Variants in ZDHHC14 observed in about 807,000 individuals in gnomAD.
ZDHHC14 encodes the protein zDHHC palmitoyltransferase 14.
Under a neutral mutation model 47.7 loss-of-function variants are expected in ZDHHC14, and 16 were observed. The observed-to-expected ratio is 0.34, with a 90% confidence interval of 0.23 to 0.51. ZDHHC14 has a LOEUF of 0.51. ZDHHC14 is among the 20% of genes least tolerant of loss of function. The pLI, the probability that ZDHHC14 is intolerant of heterozygous loss-of-function variation, is 0.97. For missense variants in ZDHHC14, 515 were observed against 662.5 expected (o/e 0.78, Z 2.44); for synonymous variants, 293 against 278.9 (o/e 1.05, Z -0.50).
chr6:157,631,075 C>T (rs796480318), intron 4 of ZDHHC14: 16 of 152,364 alleles, frequency 1.1e-4, no homozygotes, highest in African/African-American at 3.4e-4. Context: ...CCCACACTCA[C>T]ACTCTAGCTA....
intron 1 of ZDHHC14, among the ~76,000 whole-genome samples, chr6:157,422,939 C>G (rs573818246): frequency 5.3e-4 from 81 of 152,278 alleles, no homozygotes; most frequent in Non-Finnish European, 6.5e-4. Context: ...AATGTGTGTG[C>G]TTTACTAACT....
intron 2 of ZDHHC14, among the ~76,000 whole-genome samples, chr6:157,592,122 GAAC>G (rs1783931500): frequency 6.6e-6 from 1 of 151,960 alleles, no homozygotes; most frequent in Non-Finnish European, 1.5e-5. Context: ...GCCCACGTGA[GAAC>G]AACCCGGGTC....
chr6:157,445,350 T>C (rs2114796599), intron 1 of ZDHHC14, among the ~76,000 whole-genome samples: 1 of 152,322 alleles, frequency 6.6e-6, no homozygotes, highest in East Asian at 1.9e-4. Context: ...TCACGGTTTA[T>C]TAAAAATAAA....
In ZDHHC14 at chr6:157,629,380, T is replaced by G. The variant is rs1236873971; in HGVS notation, c.703+894T>G. The G allele has an allele frequency of 2.6e-5, 4 of 152,200 alleles. No individual in the cohort carries two copies. In the East Asian group the frequency reaches 7.7e-4, roughly 29 times the overall value. The allele number at this position is 152,200 out of a possible 1,614,324, so 9.4% of individuals were successfully genotyped here. On this transcript the variant is annotated intron_variant, in intron 4 of 8. Transcript: ENST00000359775. ...ACCCTTCATTAGCAAGTCCGTAGCT[T>G]CTTTCTGGAATGTTTCCGTAAGTAT...
intron 1 of ZDHHC14, among the ~76,000 whole-genome samples, chr6:157,458,119 C>T (rs1583663140): frequency 6.6e-6 from 1 of 152,226 alleles, no homozygotes. Flanking sequence ...TGGTTATTGA[C>T]ATTTATTTAT....
intron 2 of ZDHHC14, among the ~76,000 whole-genome samples, chr6:157,552,853 G>A (rs547224638): frequency 2.0e-5 from 3 of 152,254 alleles, no homozygotes; most frequent in Admixed American, 6.5e-5. Flanking sequence ...GTTGTGACTG[G>A]GAATCTGATC....
At chr6:157,439,454 A>G (rs938608857) in intron 1 of ZDHHC14, among the ~76,000 whole-genome samples, 1 of 152,216 alleles carries the variant, frequency 6.6e-6, no homozygotes, top group Non-Finnish European at 1.5e-5. Context: ...CAAAGCCACA[A>G]TGAGATACCA....
At chr6:157,510,580 C>T (rs1372599588) in intron 1 of ZDHHC14, among the ~76,000 whole-genome samples, 2 of 152,262 alleles carry the variant, frequency 1.3e-5, no homozygotes, top group Admixed American at 1.3e-4. Flanking sequence ...TGCTGCTGCT[C>T]TTCCAGGGCC....
chr6:157,646,018 C>T (rs1043972432), intron 6 of ZDHHC14, among the ~76,000 whole-genome samples, 179 bp downstream of exon 6: 1 of 152,202 alleles, frequency 6.6e-6, no homozygotes, highest in Non-Finnish European at 1.5e-5. Flanking sequence ...CGTTTCTCTT[C>T]TGGGAATCTC....
Position 157,542,726 on chromosome 6 carries a change from C to G in ZDHHC14, c.387C>G (p.Ala129=). The G allele has an allele frequency of 6.2e-7, 1 of 1,614,044 alleles. No homozygotes were observed. Among genetic ancestry groups the G allele is most frequent in the Non-Finnish European group, 8.5e-7 (1 of 1,179,978 alleles). ...CACGAGCCACGCCTGATGAAGCCGC[C>G]GATCTGGAAAGGCAAATAGGTAACA... The part of the protein sequence containing the change: ...VLPRATPDEA[A]DLERQIDIAN... Residue 129 remains alanine (A), a synonymous_variant, in exon 2 of 9, where the codon GCC becomes GCG. Coordinates refer to ENST00000359775, the MANE Select transcript of ZDHHC14 (RefSeq NM_024630.3).
At chr6:157,556,211 G>A (rs778709756) in intron 2 of ZDHHC14, among the ~76,000 whole-genome samples, 12 of 143,666 alleles carry the variant, frequency 8.4e-5, no homozygotes, top group African/African-American at 2.5e-4. Context: ...CAAGGCAGGC[G>A]TCAGCAGGCA....
intron 2 of ZDHHC14, among the ~76,000 whole-genome samples, chr6:157,584,210 A>G (rs2114877697): frequency 6.6e-6 from 1 of 152,228 alleles, no homozygotes. Flanking sequence ...TGGGGCAGGG[A>G]GGCTGCACTG....
intron 1 of ZDHHC14, among the ~76,000 whole-genome samples, chr6:157,390,107 G>A (rs1241225707): frequency 1.3e-5 from 2 of 151,776 alleles, no homozygotes; most frequent in African/African-American, 4.8e-5. Flanking sequence ...AATTATCTTG[G>A]TTTTTGCTTT....
At chr6:157,421,177 G>A (rs746465905) in intron 1 of ZDHHC14, among the ~76,000 whole-genome samples, 1 of 152,060 alleles carries the variant, frequency 6.6e-6, no homozygotes, top group Non-Finnish European at 1.5e-5. Context: ...CCAAGAGCTT[G>A]GAGTCTAAAA....
intron 8 of ZDHHC14, among the ~76,000 whole-genome samples, chr6:157,669,219 G>A (rs889263299): frequency 1.3e-5 from 2 of 152,136 alleles, no homozygotes; most frequent in African/African-American, 4.8e-5. Flanking sequence ...GGTTCTCGTG[G>A]GTGTGCAGGA....
chr6:157,538,819 G>A (rs530839266), intron 1 of ZDHHC14, among the ~76,000 whole-genome samples: 2 of 152,340 alleles, frequency 1.3e-5, no homozygotes, highest in East Asian at 3.9e-4. Flanking sequence ...TGAATGGGAG[G>A]TGCGGGTGTT....
intron 2 of ZDHHC14, among the ~76,000 whole-genome samples, 155 bp downstream of exon 2, chr6:157,542,900 T>C (rs1781827500): frequency 6.6e-6 from 1 of 152,188 alleles, no homozygotes; most frequent in African/African-American, 2.4e-5. Context: ...GTGGGCAGGA[T>C]GAGCTGAAGA....
At chr6:157,611,421 T>A (rs1214415214) in intron 3 of ZDHHC14, among the ~76,000 whole-genome samples, 1 of 151,956 alleles carries the variant, frequency 6.6e-6, no homozygotes, top group Non-Finnish European at 1.5e-5. Context: ...AAACTGTTTA[T>A]GACAAAAGAG....
At chr6:157,486,704 C>T (rs1344754804) in intron 1 of ZDHHC14, among the ~76,000 whole-genome samples, 3 of 152,098 alleles carry the variant, frequency 2.0e-5, no homozygotes, top group Non-Finnish European at 4.4e-5. Flanking sequence ...AGGGAAGAGC[C>T]CTTCCCAGAG....
Sources: allele counts gnomAD v4.1 joint callset (sites outside exome capture counted in the v4.1 genomes callset), GRCh38; gene constraint gnomAD v4.1.1; transcripts MANE v1.5; gene names NCBI Gene and HGNC (gene_info 2026-07-23, HGNC 2026-07-21).